FAAH2: variants seen among roughly 807,000 people sequenced by gnomAD.
FAAH2 encodes the protein fatty acid amide hydrolase 2, also known as fatty-acid amide hydrolase 2.
A neutral mutation model predicts 36.9 loss-of-function variants in FAAH2; 60 were observed. The observed-to-expected ratio is 1.63, with a 90% CI of 1.32 to 2.02. FAAH2 has a LOEUF of 2.02. Ranked by LOEUF, FAAH2 falls within the 30% of genes most tolerant of loss-of-function variation. The pLI, the probability that FAAH2 is intolerant of heterozygous loss-of-function variation, is 0.00. For missense variants in FAAH2, 689 were observed against 397.5 expected (o/e 1.73, Z -6.23); for synonymous variants, 214 against 143.8 (o/e 1.49, Z -3.49).
At chrX:57,362,911 C>A (rs1461918119) in intron 5 of FAAH2, among the ~76,000 whole-genome samples, 1 of 111,793 alleles carries the variant, frequency 8.9e-6, no homozygotes. Context: ...TTTCTGGGTT[C>A]TCTATCCTGT....
chrX:57,173,546 C>T, the FAAH2 span, among the ~76,000 whole-genome samples: 34 of 111,517 alleles, frequency 3.0e-4, no homozygotes, highest in Non-Finnish European at 5.5e-4. Context: ...GACTTTTTGT[C>T]CTATTTGGAT....
At chrX:57,171,612 G>GT in the FAAH2 span, among the ~76,000 whole-genome samples, 1 of 111,034 alleles carries the variant, frequency 9.0e-6, no homozygotes, top group African/African-American at 3.3e-5. Context: ...GAATTACTTG[G>GT]TTTTTTTATT....
chrX:57,314,604 C>T (rs1182830981), intron 3 of FAAH2, among the ~76,000 whole-genome samples: 1 of 110,958 alleles, frequency 9.0e-6, no homozygotes, highest in East Asian at 2.8e-4. Flanking sequence ...GGAAACTAAA[C>T]AACTTTCTCA....
intron 3 of FAAH2, among the ~76,000 whole-genome samples, chrX:57,321,012 C>T (rs990283258): frequency 1.8e-5 from 2 of 109,325 alleles, no homozygotes; most frequent in Non-Finnish European, 3.8e-5. Flanking sequence ...TGGTGGTGGG[C>T]GCCTGTAGTC....
chrX:57,486,566 C>A (rs1053642867), intron 10 of FAAH2, among the ~76,000 whole-genome samples: 8 of 111,765 alleles, frequency 7.2e-5, no homozygotes, highest in Non-Finnish European at 1.9e-5. Context: ...TCATTGTGAA[C>A]CCCACCCTTT....
At chrX:57,336,958 C>T (rs1331931668) in intron 4 of FAAH2, among the ~76,000 whole-genome samples, 2 of 41,081 alleles carry the variant, frequency 4.9e-5, no homozygotes, top group African/African-American at 1.8e-4. Context: ...AATCCAGGAG[C>T]TATTCTTTTG....
the FAAH2 span, among the ~76,000 whole-genome samples, chrX:57,150,900 G>A: frequency 1.7e-3 from 189 of 112,112 alleles, 2 homozygotes; most frequent in African/African-American, 5.3e-3. Context: ...GGGTGGTACC[G>A]GATGTTCCTT....
At chrX:57,406,425 C>T (rs1483031774) in intron 7 of FAAH2, among the ~76,000 whole-genome samples, 2 of 111,237 alleles carry the variant, frequency 1.8e-5, no homozygotes, top group Non-Finnish European at 3.8e-5. Context: ...GCCAGCTTAC[C>T]CTGGGGTACT....
At chrX:57,374,990 G>A (rs1323656834) in intron 5 of FAAH2, among the ~76,000 whole-genome samples, 1 of 111,339 alleles carries the variant, frequency 9.0e-6, no homozygotes, top group East Asian at 2.8e-4. Flanking sequence ...TTTTAATTCT[G>A]TTTATGTGGT....
chrX:57,260,275 C>T, the FAAH2 span, among the ~76,000 whole-genome samples: 1 of 111,125 alleles, frequency 9.0e-6, no homozygotes, highest in Non-Finnish European at 1.9e-5. Context: ...AGAAATAGAC[C>T]CATGCATATA....
the FAAH2 span, among the ~76,000 whole-genome samples, chrX:57,152,539 G>A: frequency 2.6e-4 from 29 of 112,255 alleles, no homozygotes; most frequent in African/African-American, 9.7e-5. Flanking sequence ...AGCAATCAGC[G>A]AGACTCCGTG....
intron 5 of FAAH2, among the ~76,000 whole-genome samples, chrX:57,354,967 C>T (rs185400839): frequency 2.7e-5 from 3 of 110,853 alleles, no homozygotes; most frequent in Non-Finnish European, 5.7e-5. Context: ...GTTTATCTGG[C>T]TAGCACTGCC....
intron 1 of FAAH2, chrX:57,290,271 TG>T: frequency 1.3e-6 from 1 of 752,403 alleles, no homozygotes; most frequent in Non-Finnish European, 1.6e-6. Context: ...TGAAGATCTT[TG>T]GGGTTGTATA....
chrX:57,435,867 C>G (rs897291282), intron 8 of FAAH2, among the ~76,000 whole-genome samples: 1 of 111,307 alleles, frequency 9.0e-6, no homozygotes, highest in African/African-American at 3.3e-5. Flanking sequence ...ACAGAAAAGT[C>G]TACTCAACAA....
chrX:57,361,873 A>C (rs1230899106), intron 5 of FAAH2, among the ~76,000 whole-genome samples: 1 of 111,289 alleles, frequency 9.0e-6, no homozygotes, highest in Non-Finnish European at 1.9e-5. Flanking sequence ...TGGAAAACTC[A>C]TTATATTTTT....
intron 10 of FAAH2, among the ~76,000 whole-genome samples, chrX:57,456,342 G>A: frequency 9.0e-6 from 1 of 111,496 alleles, no homozygotes; most frequent in Non-Finnish European, 1.9e-5. Flanking sequence ...TTCATCAAGA[G>A]GTTAGAAAGA....
chrX:57,302,103 A>G (rs991635545), intron 2 of FAAH2, among the ~76,000 whole-genome samples: 2 of 111,515 alleles, frequency 1.8e-5, no homozygotes, highest in African/African-American at 6.5e-5. Context: ...ATTCTTCCCA[A>G]TCTGTGAATG....
At chrX:57,477,456 T>TAAGAAA (rs2057292251) in intron 10 of FAAH2, among the ~76,000 whole-genome samples, 1 of 111,119 alleles carries the variant, frequency 9.0e-6, no homozygotes, top group African/African-American at 3.3e-5. Flanking sequence ...TGATTTATAC[T>TAAGAAA]TTCTTTTGTT....
the FAAH2 span, among the ~76,000 whole-genome samples, chrX:57,175,735 C>G: frequency 1.3e-3 from 148 of 111,485 alleles, 1 homozygote; most frequent in African/African-American, 4.2e-3. Context: ...TTTAGAACTC[C>G]TTTTAGCATT....
Sources: gnomAD v4.1 joint callset for allele counts (sites outside exome capture counted in the v4.1 genomes callset) on GRCh38, gnomAD v4.1.1 for gene constraint, MANE v1.5 for transcripts, NCBI Gene and HGNC (gene_info 2026-07-23, HGNC 2026-07-21) for gene names.